Variants in LRRC3C observed in about 807,000 individuals in gnomAD.
LRRC3C encodes leucine rich repeat containing 3C, also known as leucine-rich repeat-containing protein 3C.
A neutral mutation model predicts 14.8 loss-of-function variants in LRRC3C; 11 were observed. The observed-to-expected ratio is 0.74, with a 90% CI of 0.47 to 1.23. The LOEUF (loss-of-function observed/expected upper bound fraction) is 1.23, where lower values mean the gene tolerates loss of function less well. LRRC3C is among the 50% of genes most tolerant of loss of function. The pLI is 0.00. For synonymous variants in LRRC3C, 149 were observed against 161.5 expected, an observed-to-expected ratio of 0.92 and a Z score of 0.59; for missense variants, 354 against 361.8, an observed-to-expected ratio of 0.98 and a Z score of 0.18.
At position 39,944,563 on chromosome 17, in the gene LRRC3C, G is replaced by A. The variant is rs1025155009; in HGVS notation, c.657G>A (p.Arg219=). The A allele has an allele frequency of 1.3e-6, 2 of 1,528,660 alleles. No individual in the cohort carries two copies. The highest frequency in any genetic ancestry group is 1.7e-4 in the Middle Eastern group (1 of 5,932). 94.7% of individuals were successfully genotyped at this position (1,528,660 alleles called of 1,614,324 possible). ...GGTCGGGGTGGGGTGGGGCCCGGAG[G>A]AGCACCGATGTGGCCCTGCTGGTCA... is the stretch of plus-strand genomic sequence containing the variant. The part of the protein sequence containing the change: ...LCGSGWGGAR[R]STDVALLVTM... Residue 219 remains arginine, a synonymous_variant, in exon 4 of 4, where the codon AGG becomes AGA. Coordinates refer to ENST00000377924, the MANE Select transcript of LRRC3C (RefSeq NM_001195545.2).
intron 3 of LRRC3C, among the ~76,000 whole-genome samples, chr17:39,942,890 G>A (rs1978976159): frequency 6.6e-6 from 1 of 152,232 alleles, no homozygotes. Flanking sequence ...CTGCCCGCCA[G>A]GCCTGCCAAG....
At chr17:39,935,060 C>T (rs776210031) in intron 1 of LRRC3C, among the ~76,000 whole-genome samples, 2 of 152,102 alleles carry the variant, frequency 1.3e-5, no homozygotes, top group African/African-American at 2.4e-5. Flanking sequence ...GTCTTTATGA[C>T]CTGTATTTTA....
At chr17:39,929,304 T>G (rs570011603) in intron 1 of LRRC3C, 2 of 152,342 alleles carry the variant, frequency 1.3e-5, no homozygotes, top group African/African-American at 4.8e-5. Context: ...AGGTTCTGAC[T>G]AATGCAGAGT....
chr17:39,930,861 G>T (rs1978631322), intron 1 of LRRC3C, among the ~76,000 whole-genome samples: 2 of 151,938 alleles, frequency 1.3e-5, no homozygotes, highest in South Asian at 2.1e-4. Flanking sequence ...GTCCTCCATG[G>T]CTGGGCGTGG....
At chr17:39,940,400 T>C (rs1271007680) in intron 2 of LRRC3C, among the ~76,000 whole-genome samples, 1 of 152,164 alleles carries the variant, frequency 6.6e-6, no homozygotes, top group Non-Finnish European at 1.5e-5. Context: ...GCTGTCGTCA[T>C]CTTAAAATTC....
At chr17:39,942,829 G>A (rs571052797) in intron 3 of LRRC3C, among the ~76,000 whole-genome samples, 2 of 152,236 alleles carry the variant, frequency 1.3e-5, no homozygotes, top group African/African-American at 4.8e-5. Context: ...ATGGAGTTGG[G>A]GGAATACAGG....
chr17:39,938,286 G>A (rs1978852220), intron 2 of LRRC3C, among the ~76,000 whole-genome samples: 1 of 152,184 alleles, frequency 6.6e-6, no homozygotes. Context: ...TCTAGAGGTG[G>A]CAGTTGCTGG....
At position 39,944,579 on chromosome 17, in the gene LRRC3C, C is replaced by G; in HGVS notation, c.673C>G (p.Leu225Val). Residue 225 changes from leucine to valine, a missense_variant, in exon 4 of 4, where the codon CTG (leucine) becomes GTG (valine). Transcript: ENST00000377924. Reference protein sequence around the residue: ...GGARRSTDVALLVTMGGWLTL... With the variant: ...GGARRSTDVAVLVTMGGWLTL... ...GGCCCGGAGGAGCACCGATGTGGCC[C>G]TGCTGGTCACCATGGGGGGCTGGCT... The G allele has an allele frequency of 1.3e-6, 2 of 1,534,220 alleles. No homozygotes were observed. The highest frequency in any genetic ancestry group is 1.7e-6 in the Non-Finnish European group (2 of 1,146,012).
At chr17:39,941,582 C>T (rs1978942385) in intron 3 of LRRC3C, 33 bp downstream of exon 3, 2 of 1,529,440 alleles carry the variant, frequency 1.3e-6, no homozygotes, top group Non-Finnish European at 1.8e-6. Flanking sequence ...TCTGTGACAC[C>T]CCACTCTCCT....
At position 39,937,858 on chromosome 17, in the gene LRRC3C, A is replaced by C. The variant is rs139116191; in HGVS notation, c.-82+1964A>C. Among the ~76,000 whole-genome samples, 481 of 152,226 alleles carry C rather than the reference A, an allele frequency of 3.2e-3. 3 individuals carry two copies. In the Middle Eastern group the frequency reaches 0.071, roughly 23 times the overall value. On this transcript the variant is annotated intron_variant, in intron 2 of 3. Coordinates refer to ENST00000377924, the MANE Select transcript of LRRC3C (RefSeq NM_001195545.2). ...GAAAATTCCCATCACCTGGCCAGGC[A>C]CGGTGGCTCACTCCTGTGATCCCAG... is the stretch of plus-strand genomic sequence containing the variant.
At chr17:39,932,600 T>C (rs779544898) in intron 1 of LRRC3C, among the ~76,000 whole-genome samples, 30 of 142,062 alleles carry the variant, frequency 2.1e-4, no homozygotes, top group Non-Finnish European at 3.8e-4. Context: ...CATGTTCCCG[T>C]AGTCCCAGCT....
At chr17:39,933,064 A>AAAGGAAGGAAGG (rs140683487) in intron 1 of LRRC3C, among the ~76,000 whole-genome samples, 4 of 149,718 alleles carry the variant, frequency 2.7e-5, no homozygotes, top group African/African-American at 7.4e-5. Context: ...AAAAATAAAG[A>AAAGGAAGGAAGG]AAGGAAGGAA....
chr17:39,932,868 A>G (rs1328232212), intron 1 of LRRC3C, among the ~76,000 whole-genome samples: 1 of 151,974 alleles, frequency 6.6e-6, no homozygotes, highest in African/African-American at 2.4e-5. Context: ...CCTGGCCAAC[A>G]TGGTGAAACC....
At chr17:39,941,583 C>T (rs771932509) in intron 3 of LRRC3C, 34 bp downstream of exon 3, 21 of 1,528,838 alleles carry the variant, frequency 1.4e-5, no homozygotes, top group Non-Finnish European at 3.5e-6. Flanking sequence ...CTGTGACACC[C>T]CACTCTCCTG....
chr17:39,931,317 G>C (rs557196736), intron 1 of LRRC3C, among the ~76,000 whole-genome samples: 2 of 150,958 alleles, frequency 1.3e-5, no homozygotes, highest in South Asian at 2.1e-4. Context: ...ATGGTGGCAC[G>C]TGCCTGTAAT....
rs781093278 is a variant in LRRC3C, at chr17:39,944,052, C to G, written c.146C>G (p.Pro49Arg). 1 of 1,536,124 alleles carries G rather than the reference C, an allele frequency of 6.5e-7. No individual in the cohort carries two copies. Among genetic ancestry groups the G allele is most frequent in the Non-Finnish European group, 8.7e-7 (1 of 1,146,892 alleles). The change falls in exon 4 of 4, where the codon CCC becomes CGC. Residue 49 changes from proline (P) to arginine (R), a missense_variant. Coordinates refer to ENST00000377924, the MANE Select transcript of LRRC3C (RefSeq NM_001195545.2). The part of the protein sequence containing the change: ...GGTVPSPQVP[P>R]RGCYVAKEAG... ...ACTGTGCCCAGCCCCCAGGTGCCTC[C>G]CCGGGGCTGTTATGTGGCAAAGGAA...
chr17:39,929,904 G>A (rs896862405), intron 1 of LRRC3C, among the ~76,000 whole-genome samples: 1 of 152,030 alleles, frequency 6.6e-6, no homozygotes, highest in Non-Finnish European at 1.5e-5. Flanking sequence ...GAAAAGATGA[G>A]GACACAAAAT....
At chr17:39,933,059 T>TAAGG (rs1568116841) in intron 1 of LRRC3C, among the ~76,000 whole-genome samples, 1 of 111,304 alleles carries the variant, frequency 9.0e-6, no homozygotes, top group East Asian at 3.0e-4. Flanking sequence ...TCTCAAAAAA[T>TAAGG]AAAGAAAGGA....
At chr17:39,927,908 A>T in intron 1 of LRRC3C, 94 bp downstream of exon 1, 1 of 972,518 alleles carries the variant, frequency 1.0e-6, no homozygotes, top group South Asian at 4.8e-5. Flanking sequence ...ACTTGTAAGT[A>T]ACTTTCTGTA....
Sources: allele counts gnomAD v4.1 joint callset (sites outside exome capture counted in the v4.1 genomes callset), GRCh38; gene constraint gnomAD v4.1.1; transcripts MANE v1.5; gene names NCBI Gene and HGNC (gene_info 2026-07-23, HGNC 2026-07-21).